SRGAP3: variants seen among roughly 807,000 people sequenced by gnomAD.
SRGAP3 encodes the protein SLIT-ROBO Rho GTPase-activating protein 3.
SRGAP3 carries 39 observed loss-of-function variants against 121.1 expected under a neutral mutation model. The ratio of observed to expected loss-of-function variants is 0.32; its 90% confidence interval spans 0.25 to 0.42. The LOEUF (loss-of-function observed/expected upper bound fraction) is 0.42. Among genes scored for constraint, SRGAP3 ranks in the 10% least tolerant of loss-of-function variants. The pLI, the probability that SRGAP3 is intolerant of heterozygous loss-of-function variation, is 1.00. For missense variants in SRGAP3, 1,213 were observed against 1,470.6 expected (o/e 0.82, Z 2.86); for synonymous variants, 601 against 570.0 (o/e 1.05, Z -0.77).
intron 5 of SRGAP3, among the ~76,000 whole-genome samples, chr3:9,063,020 C>T (rs1218561035): frequency 6.6e-6 from 1 of 151,528 alleles, no homozygotes; most frequent in Non-Finnish European, 1.5e-5. Flanking sequence ...CTCACCAATA[C>T]TTCCTATAGT....
At chr3:9,262,552 A>AAAAAAAAAAAC (rs1954276247) in intron 3 of SRGAP3, among the ~76,000 whole-genome samples, 1 of 149,224 alleles carries the variant, frequency 6.7e-6, no homozygotes, top group Non-Finnish European at 1.5e-5. Flanking sequence ...AAAAAAAAAA[A>AAAAAAAAAAAC]AAAAGCAGTG....
intron 1 of SRGAP3, among the ~76,000 whole-genome samples, chr3:9,211,665 C>CTTTTTTTT (rs1193329370): frequency 8.3e-6 from 1 of 121,144 alleles, no homozygotes; most frequent in Admixed American, 8.5e-5. Flanking sequence ...TCTTTCTTTT[C>CTTTTTTTT]TTTTTTTTTT....
At chr3:9,186,803 C>T (rs1214767977) in intron 1 of SRGAP3, among the ~76,000 whole-genome samples, 2 of 152,132 alleles carry the variant, frequency 1.3e-5, no homozygotes, top group Admixed American at 1.3e-4. Flanking sequence ...AATCAATAAG[C>T]TGCTCTTGAA....
chr3:9,254,516 A>G (rs1321892084), upstream of SRGAP3, among the ~76,000 whole-genome samples: 1 of 152,214 alleles, frequency 6.6e-6, no homozygotes, highest in Non-Finnish European at 1.5e-5. Context: ...GTTTTGGGAC[A>G]GGAGCAGTGG....
chr3:9,148,726 A>G (rs1197881990), intron 1 of SRGAP3, among the ~76,000 whole-genome samples: 2 of 152,158 alleles, frequency 1.3e-5, no homozygotes, highest in African/African-American at 2.4e-5. Context: ...CTCATAGTCC[A>G]TCCTTTCTCC....
intron 1 of SRGAP3, among the ~76,000 whole-genome samples, chr3:9,144,784 G>A (rs189426658): frequency 3.0e-4 from 46 of 152,250 alleles, no homozygotes; most frequent in Middle Eastern, 3.4e-3. Context: ...TTTCAGCAGC[G>A]TGAAAACAGA....
At chr3:9,271,858 C>A (rs1954484190) in intron 3 of SRGAP3, among the ~76,000 whole-genome samples, 1 of 152,202 alleles carries the variant, frequency 6.6e-6, no homozygotes, top group Admixed American at 6.5e-5. Context: ...CTATCTCTAT[C>A]TTTTATGGCA....
chr3:9,190,951 A>G (rs914313658), intron 1 of SRGAP3, among the ~76,000 whole-genome samples: 1 of 152,188 alleles, frequency 6.6e-6, no homozygotes, highest in African/African-American at 2.4e-5. Context: ...CCCATCCCTG[A>G]GCAAAATCCT....
intron 3 of SRGAP3, among the ~76,000 whole-genome samples, chr3:9,278,536 A>G (rs1444605856): frequency 6.6e-6 from 1 of 152,240 alleles, no homozygotes; most frequent in Non-Finnish European, 1.5e-5. Flanking sequence ...GAAGCACACA[A>G]TGAAAGCAGT....
intron 1 of SRGAP3, among the ~76,000 whole-genome samples, chr3:9,234,554 A>G (rs1256836692): frequency 6.6e-6 from 1 of 152,196 alleles, no homozygotes; most frequent in Non-Finnish European, 1.5e-5. Flanking sequence ...AGGTCCCCTA[A>G]GGAACTGTCT....
chr3:9,073,822 C>T (rs1462876283), intron 4 of SRGAP3, among the ~76,000 whole-genome samples: 5 of 152,212 alleles, frequency 3.3e-5, no homozygotes, highest in Non-Finnish European at 2.9e-5. Context: ...TCACCACTTG[C>T]ATAAAACAGG....
At chr3:9,266,143 G>T (rs76839860) in intron 3 of SRGAP3, among the ~76,000 whole-genome samples, 2 of 152,128 alleles carry the variant, frequency 1.3e-5, no homozygotes, top group African/African-American at 4.8e-5. Flanking sequence ...AACACCACAT[G>T]TTCTCACTCA....
intron 1 of SRGAP3, among the ~76,000 whole-genome samples, chr3:9,240,066 G>T (rs887594008): frequency 2.6e-5 from 4 of 152,132 alleles, no homozygotes; most frequent in Admixed American, 1.3e-4. Flanking sequence ...GGGGAAGCAG[G>T]CCTATTTCAC....
intron 1 of SRGAP3, among the ~76,000 whole-genome samples, chr3:9,225,782 C>T (rs1039189915): frequency 6.6e-6 from 1 of 152,130 alleles, no homozygotes; most frequent in Non-Finnish European, 1.5e-5. Flanking sequence ...AAACAGGTGA[C>T]GCAGGCCAGG....
rs867683932 is a variant in SRGAP3, at chr3:9,218,964, C to T, written c.67+29921G>A. ...TTGGGATTACAGGCGTGAGCCACTG[C>T]GCCCAGCCTATTTTATCTTATCTTA... On this transcript the variant is annotated intron_variant, in intron 1 of 21. Transcript: ENST00000383836. This position sits in a 1 kb window ranked among gnomAD's most constrained non-coding sequence, Gnocchi z 5.3. Among the ~76,000 whole-genome samples, 5 of 152,122 alleles carry T rather than the reference C, an allele frequency of 3.3e-5. No individual in the cohort carries two copies. The highest frequency in any genetic ancestry group is 1.3e-4 in the Admixed American group (2 of 15,274).
chr3:9,314,588 G>C (rs1955311278), intron 3 of SRGAP3, among the ~76,000 whole-genome samples: 1 of 152,058 alleles, frequency 6.6e-6, no homozygotes, highest in African/African-American at 2.4e-5. Flanking sequence ...GTAATACTGG[G>C]TGAGTTTTTT....
chr3:9,016,309 T>C (rs562148204), intron 14 of SRGAP3, among the ~76,000 whole-genome samples: 24 of 152,238 alleles, frequency 1.6e-4, no homozygotes, highest in Non-Finnish European at 3.2e-4. Flanking sequence ...CCTTTAAATG[T>C]AAAATATGCC....
intron 3 of SRGAP3, among the ~76,000 whole-genome samples, chr3:9,288,973 T>G (rs1314443972): frequency 2.6e-5 from 4 of 152,166 alleles, no homozygotes; most frequent in African/African-American, 7.2e-5. Flanking sequence ...CTTGGCTAAC[T>G]GCAACCTCCA....
intron 3 of SRGAP3, among the ~76,000 whole-genome samples, chr3:9,088,646 A>G (rs1046628677): frequency 7.2e-5 from 11 of 152,124 alleles, no homozygotes; most frequent in Middle Eastern, 3.2e-3. Context: ...CTCCTGCCCA[A>G]TTGAGAAATA....
Sources: gnomAD v4.1 joint callset for allele counts (sites outside exome capture counted in the v4.1 genomes callset) on GRCh38, gnomAD v4.1.1 for gene constraint, Gnocchi (gnomAD v3.1) non-coding constraint, MANE v1.5 for transcripts, NCBI Gene and HGNC (gene_info 2026-07-23, HGNC 2026-07-21) for gene names.